UIMC1: variants seen among roughly 807,000 people sequenced by gnomAD.
The protein encoded by UIMC1 is BRCA1-A complex subunit RAP80.
A neutral mutation model predicts 84.9 loss-of-function variants in UIMC1; 42 were observed. The observed-to-expected ratio is 0.49, with a 90% confidence interval of 0.39 to 0.64. UIMC1 has a LOEUF of 0.64. UIMC1 is among the 30% of genes least tolerant of loss of function. UIMC1 has a pLI of 0.00. For missense variants in UIMC1, 825 were observed against 847.6 expected (o/e 0.97, Z 0.33); for synonymous variants, 281 against 293.0 (o/e 0.96, Z 0.42).
chr5:176,986,667 C>T (rs1008262184), intron 1 of UIMC1, among the ~76,000 whole-genome samples: 1 of 151,838 alleles, frequency 6.6e-6, no homozygotes, highest in African/African-American at 2.4e-5. Context: ...ATAGCAAGAC[C>T]CTGTCTCTAC....
At chr5:176,933,518 C>T (rs1337475916) in intron 10 of UIMC1, among the ~76,000 whole-genome samples, 2 of 146,032 alleles carry the variant, frequency 1.4e-5, no homozygotes, top group Non-Finnish European at 3.0e-5. Flanking sequence ...AGGCTCATTG[C>T]TAGTTTAGAT....
At chr5:176,928,068 T>C (rs969294701) in intron 10 of UIMC1, among the ~76,000 whole-genome samples, 8 of 152,128 alleles carry the variant, frequency 5.3e-5, no homozygotes, top group African/African-American at 1.9e-4. Context: ...GGTCTCGAAC[T>C]CTTGACCTCA....
At chr5:177,006,516 C>CACT in intron 1 of UIMC1, 134 bp downstream of exon 1, 1 of 152,322 alleles carries the variant, frequency 6.6e-6, no homozygotes, top group African/African-American at 2.4e-5. Context: ...GGAAGGGCCG[C>CACT]CCCGGCGTCG....
intron 10 of UIMC1, among the ~76,000 whole-genome samples, chr5:176,915,092 A>G: frequency 6.6e-6 from 1 of 152,328 alleles, no homozygotes; most frequent in South Asian, 2.1e-4. Context: ...CTCCACAGAT[A>G]GGGATGGAAA....
intron 2 of UIMC1, among the ~76,000 whole-genome samples, chr5:176,978,978 A>C (rs1037339480): frequency 6.6e-6 from 1 of 152,202 alleles, no homozygotes; most frequent in Non-Finnish European, 1.5e-5. Context: ...AAGCAAAAAA[A>C]GGTGTAAGTG....
chr5:176,969,561 A>G, intron 5 of UIMC1, 40 bp downstream of exon 5: 9 of 1,583,534 alleles, frequency 5.7e-6, no homozygotes, highest in Non-Finnish European at 7.8e-6. Flanking sequence ...TGGTACAGTT[A>G]TACTTGATGA....
At chr5:176,998,542 C>T (rs969952934) in intron 1 of UIMC1, among the ~76,000 whole-genome samples, 5 of 145,326 alleles carry the variant, frequency 3.4e-5, no homozygotes, top group Non-Finnish European at 4.5e-5. Context: ...CCAAGGCGGG[C>T]GGATCACCTA....
intron 6 of UIMC1, among the ~76,000 whole-genome samples, chr5:176,960,674 G>A (rs1767275931): frequency 5.0e-5 from 1 of 20,122 alleles, no homozygotes. Flanking sequence ...TCTCCCCACG[G>A]TCTCCCTCTC....
intron 1 of UIMC1, among the ~76,000 whole-genome samples, chr5:176,993,250 A>T (rs1258427068): frequency 6.6e-6 from 1 of 151,956 alleles, no homozygotes; most frequent in Non-Finnish European, 1.5e-5. Context: ...TTATGAGGCC[A>T]ACACGGCTCA....
chr5:176,922,115 C>A (rs1761782177), intron 10 of UIMC1, among the ~76,000 whole-genome samples: 2 of 152,084 alleles, frequency 1.3e-5, no homozygotes. Flanking sequence ...CCCCTTTTTC[C>A]TCTGTTCTAG....
chr5:176,913,806 C>T (rs1187481883), intron 10 of UIMC1, among the ~76,000 whole-genome samples: 2 of 152,110 alleles, frequency 1.3e-5, no homozygotes, highest in Non-Finnish European at 2.9e-5. Flanking sequence ...GTGAAACCCC[C>T]GTCTCTACAA....
chr5:177,017,955 T>C (rs1360737132), intron 1 of UIMC1, among the ~76,000 whole-genome samples: 1 of 152,008 alleles, frequency 6.6e-6, no homozygotes, highest in East Asian at 1.9e-4. Context: ...CCCAGCCTAG[T>C]CATTATCTCT....
chr5:176,908,399 T>C, intron 12 of UIMC1, 124 bp downstream of exon 12: 1 of 974,616 alleles, frequency 1.0e-6, no homozygotes, highest in South Asian at 2.8e-5. Flanking sequence ...GCACAAATCT[T>C]GTTTCAAGAT....
intron 9 of UIMC1, among the ~76,000 whole-genome samples, chr5:176,946,847 A>G (rs893899519): frequency 3.9e-5 from 6 of 152,172 alleles, no homozygotes; most frequent in Non-Finnish European, 7.3e-5. Flanking sequence ...AAAAGAAAAG[A>G]CAAATAGCAA....
chr5:176,990,909 C>T (rs1279299366), intron 1 of UIMC1, among the ~76,000 whole-genome samples: 6 of 152,030 alleles, frequency 3.9e-5, no homozygotes, highest in Admixed American at 1.3e-4. Flanking sequence ...TGGCCTCAAA[C>T]GATCCTCCTG....
At chr5:176,972,667 C>T (rs1283624269) in intron 3 of UIMC1, among the ~76,000 whole-genome samples, 4 of 151,972 alleles carry the variant, frequency 2.6e-5, no homozygotes, top group Non-Finnish European at 2.9e-5. Flanking sequence ...ACCCGGGAGG[C>T]GGAGGTTGCA....
intron 1 of UIMC1, among the ~76,000 whole-genome samples, chr5:176,991,786 G>A (rs1453145785): frequency 2.0e-5 from 3 of 151,896 alleles, no homozygotes; most frequent in African/African-American, 4.8e-5. Flanking sequence ...CAAAAAATTC[G>A]CCGGGCGTGG....
chr5:176,913,921 G>A (rs1261032657), intron 10 of UIMC1, among the ~76,000 whole-genome samples: 1 of 152,154 alleles, frequency 6.6e-6, no homozygotes, highest in East Asian at 1.9e-4. Flanking sequence ...AGGCTGCAGT[G>A]AGCTGAGATA....
chr5:176,944,555 G>GAC (rs2149444774), intron 9 of UIMC1, among the ~76,000 whole-genome samples: 1 of 152,294 alleles, frequency 6.6e-6, no homozygotes, highest in Admixed American at 6.5e-5. Context: ...TAAAGCAAGG[G>GAC]ACACCCGGGC....
Sources: gnomAD v4.1 joint callset for allele counts (sites outside exome capture counted in the v4.1 genomes callset) on GRCh38, gnomAD v4.1.1 for gene constraint, MANE v1.5 for transcripts, NCBI Gene and HGNC (gene_info 2026-07-23, HGNC 2026-07-21) for gene names.